Variants in DLG5 observed in about 807,000 individuals in gnomAD.
DLG5 encodes the protein disks large homolog 5.
Under a neutral mutation model 189.8 loss-of-function variants are expected in DLG5, and 48 were observed. That is an observed-to-expected ratio of 0.25 (90% CI 0.20 to 0.32). The LOEUF (loss-of-function observed/expected upper bound fraction) is 0.32. Ranked by LOEUF, DLG5 falls within the 10% of genes least tolerant of loss-of-function variation. The pLI is 1.00. For missense variants in DLG5, 2,160 were observed against 2,544.7 expected, an observed-to-expected ratio of 0.85 and a Z score of 3.25; for synonymous variants, 1,016 against 1,054.1, an observed-to-expected ratio of 0.96 and a Z score of 0.70.
In DLG5 at chr10:77,897,044, G is replaced by GA. The variant is rs954330595; in HGVS notation, c.305-27848dup. ...ATAAAATATTTGTTGCTTACTGCAG[G>GA]AAAAAAAAATAGGCATCAAAAAATT... On this transcript the variant is annotated intron_variant, in intron 1 of 31. Transcript: ENST00000372391. Among the ~76,000 whole-genome samples the GA allele has an allele frequency of 1.5e-3, 227 of 150,048 alleles. 2 individuals carry two copies. The highest frequency in any genetic ancestry group is 5.0e-3 in the African/African-American group (206 of 40,848).
chr10:77,795,994 G>T, intron 29 of DLG5, 67 bp downstream of exon 29: 2 of 1,605,114 alleles, frequency 1.2e-6, no homozygotes, highest in Non-Finnish European at 1.7e-6. Flanking sequence ...CACGGACCAG[G>T]GGCCTAGACC....
rs1840955052 is a variant in DLG5, at chr10:77,796,933, T to C, written c.5165-339A>G. Among the ~76,000 whole-genome samples the C allele has an allele frequency of 6.6e-6, 1 of 152,158 alleles. No homozygotes were observed. The highest frequency in any genetic ancestry group is 6.5e-5 in the Admixed American group (1 of 15,282). On this transcript the variant is annotated intron_variant, in intron 27 of 31. Coordinates refer to ENST00000372391, the MANE Select transcript of DLG5 (RefSeq NM_004747.4). This position sits in a 1 kb window ranked among gnomAD's most constrained non-coding sequence, Gnocchi z 5.2. ...TCTCTGGCAAGGCAGCCTCTGGGGT[T>C]TGGCAGGTAAAGCTCCCACTCCCCA...
chr10:77,845,641 G>C (rs1363383559), intron 5 of DLG5, among the ~76,000 whole-genome samples: 1 of 151,386 alleles, frequency 6.6e-6, no homozygotes, highest in African/African-American at 2.4e-5. Context: ...AGGAGAAAGA[G>C]AAAGAGAGAG....
chr10:77,927,924 T>G (rs1846745404), upstream of DLG5: 1 of 152,240 alleles, frequency 6.6e-6, no homozygotes, highest in African/African-American at 2.4e-5. Flanking sequence ...ATATCTACGT[T>G]GGAATGAGTG....
At chr10:77,877,277 G>A (rs1010450734) in intron 1 of DLG5, among the ~76,000 whole-genome samples, 3 of 150,390 alleles carry the variant, frequency 2.0e-5, no homozygotes, top group Non-Finnish European at 4.4e-5. Context: ...GCTAACTACA[G>A]GACTGGTTTT....
intron 27 of DLG5, among the ~76,000 whole-genome samples, chr10:77,798,734 C>T (rs956050982): frequency 6.6e-6 from 1 of 152,186 alleles, no homozygotes; most frequent in Non-Finnish European, 1.5e-5. Flanking sequence ...GACTTATCCA[C>T]TTCCCTGCTG....
At chr10:77,924,951 C>T (rs1213216971) in intron 1 of DLG5, among the ~76,000 whole-genome samples, 1 of 152,172 alleles carries the variant, frequency 6.6e-6, no homozygotes, top group Non-Finnish European at 1.5e-5. Flanking sequence ...GGGCTTTTAA[C>T]AGCCAAATAA....
At chr10:77,802,085 G>A (rs752155990) in intron 27 of DLG5, among the ~76,000 whole-genome samples, 192 of 152,308 alleles carry the variant, frequency 1.3e-3, no homozygotes, top group Non-Finnish European at 2.5e-3. Flanking sequence ...GCTGGGAGGG[G>A]CAAGGAACAG....
intron 13 of DLG5, chr10:77,824,717 G>A (rs893580036): frequency 4.3e-6 from 2 of 469,184 alleles, no homozygotes; most frequent in African/African-American, 4.0e-5. Flanking sequence ...TGTCCTTCTG[G>A]GATCAGAACA....
chr10:77,794,916 G>A lies in DLG5; in HGVS notation c.5479C>T (p.Arg1827Trp), dbSNP rs763823222. The A allele has an allele frequency of 1.5e-5, 24 of 1,614,002 alleles. No individual in the cohort carries two copies. Among genetic ancestry groups the A allele is most frequent in the Non-Finnish European group, 1.9e-5 (23 of 1,180,008 alleles). ...LLDIAPHAIE[R>W]LHHMHIYPIV... is the part of the protein sequence containing the mutation. ...GGGTAGATGTGCATGTGGTGGAGCCGCTCAATAGCGTGCGGAGCAATGTCC... is the reference window on the plus strand; with the variant it reads ...GGGTAGATGTGCATGTGGTGGAGCCACTCAATAGCGTGCGGAGCAATGTCC... The change falls in exon 30 of 32, where the codon CGG becomes TGG. Residue 1827 changes from arginine (R) to tryptophan (W), a missense_variant. Arg to Trp is a moderately radical substitution (Grantham distance 101, BLOSUM62 -3). Transcript: ENST00000372391.
intron 5 of DLG5, among the ~76,000 whole-genome samples, chr10:77,851,521 G>A (rs140729455): frequency 3.9e-5 from 6 of 152,256 alleles, no homozygotes; most frequent in Non-Finnish European, 7.4e-5. Flanking sequence ...TCCTGCTGCC[G>A]GCTTTCCATT....
At position 77,926,497 on chromosome 10, in the gene DLG5, C is replaced by A; in HGVS notation, c.24G>T (p.Leu8=). MEPQRRE[L]LAQCQQSLAQ... ...CCAGGCTCTGCTGACACTGGGCGAGCAGCTCCCGGCGCTGGGGCTCCATGG... is the reference window on the plus strand; with the variant it reads ...CCAGGCTCTGCTGACACTGGGCGAGAAGCTCCCGGCGCTGGGGCTCCATGG... The change falls in exon 1 of 32, where the codon CTG becomes CTT. Residue 8 remains leucine (L), a synonymous_variant. Transcript: ENST00000372391. This position sits in a 1 kb window ranked among gnomAD's most constrained non-coding sequence, Gnocchi z 5.2. The A allele has an allele frequency of 7.2e-7, 1 of 1,383,904 alleles. No homozygotes were observed. Among genetic ancestry groups the A allele is most frequent in the Non-Finnish European group, 9.4e-7 (1 of 1,063,262 alleles). 85.7% of individuals were successfully genotyped at this position (1,383,904 alleles called of 1,614,324 possible).
Position 77,821,883 on chromosome 10 carries a change from A to G in DLG5, c.2601T>C (p.Phe867=). ...GTCCCCCAGGGAATGGCTTATGCAG[A>G]AAGGAGCTGCTGCCTCCTGGGGGGC... is the stretch of plus-strand genomic sequence containing the variant. ...EPGPPGGSSS[F]LHKPFPGGPL... Residue 867 remains phenylalanine, a synonymous_variant, in exon 15 of 32, where the codon TTT becomes TTC. Coordinates refer to ENST00000372391, the MANE Select transcript of DLG5 (RefSeq NM_004747.4). 1.2e-6 allele frequency: 2 copies of G among 1,614,200 alleles called. No individual in the cohort carries two copies. The highest frequency in any genetic ancestry group is 1.7e-6 in the Non-Finnish European group (2 of 1,180,026).
rs1010256286 is a variant in DLG5, at chr10:77,856,666, C to A, written c.536+64G>T. The A allele has an allele frequency of 5.1e-6, 8 of 1,574,426 alleles. No individual in the cohort carries two copies. The African/African-American group carries it at 5.4e-5, about 11-fold the overall frequency. Reference sequence around the variant, plus strand: ...AGCCAGGGGTGTTTGGGGGTGACAGCACCAGCATCGGGGTAGTAATCCCAA... The same window carrying A: ...AGCCAGGGGTGTTTGGGGGTGACAGAACCAGCATCGGGGTAGTAATCCCAA... On this transcript the variant is annotated intron_variant, in intron 3 of 31. Coordinates refer to ENST00000372391, the MANE Select transcript of DLG5 (RefSeq NM_004747.4).
the DLG5 span, among the ~76,000 whole-genome samples, chr10:77,932,921 T>C: frequency 1.3e-5 from 2 of 152,136 alleles, no homozygotes; most frequent in Non-Finnish European, 2.9e-5. Context: ...GGTAACATAG[T>C]GAGACTCTGC....
At chr10:77,853,561 G>C in intron 4 of DLG5, 24 bp from the exon 5 acceptor site, 1 of 1,539,522 alleles carries the variant, frequency 6.5e-7, no homozygotes, top group South Asian at 1.2e-5. Flanking sequence ...TACATGCTCA[G>C]TGAGCCCCAG....
intron 27 of DLG5, among the ~76,000 whole-genome samples, chr10:77,803,885 CAT>C (rs1491150050): frequency 9.2e-6 from 1 of 109,278 alleles, no homozygotes; most frequent in African/African-American, 4.2e-5. Context: ...AACAGGTTGG[CAT>C]TTTTTTTTTT....
Position 77,796,522 on chromosome 10 carries a change from C to A in DLG5, c.5237G>T (p.Gly1746Val). 1 of 1,614,188 alleles carries A rather than the reference C, an allele frequency of 6.2e-7. No homozygotes were observed. The highest frequency in any genetic ancestry group is 8.5e-7 in the Non-Finnish European group (1 of 1,180,032). Residue 1746 changes from glycine (G) to valine (V), a missense_variant, in exon 28 of 32, where the codon GGG (glycine) becomes GTG (valine). Coordinates refer to ENST00000372391, the MANE Select transcript of DLG5 (RefSeq NM_004747.4). This position sits in a 1 kb window ranked among gnomAD's most constrained non-coding sequence, Gnocchi z 5.2. ...CTCCTTCACCACGTCCAGCAAAGGC[C>A]CCAGAATCAGGACAGGCCTCAGAGC... ...CTALRPVLIL[G>V]PLLDVVKEML... is the part of the protein sequence containing the mutation.
intron 1 of DLG5, 109 bp from the exon 2 acceptor site, chr10:77,869,306 G>T: frequency 9.6e-7 from 1 of 1,037,156 alleles, no homozygotes; most frequent in Non-Finnish European, 1.5e-6. Flanking sequence ...CATGCACCAG[G>T]CACTAGAAAT....
Sources: allele counts gnomAD v4.1 joint callset (sites outside exome capture counted in the v4.1 genomes callset), GRCh38; gene constraint gnomAD v4.1.1; non-coding constraint Gnocchi (gnomAD v3.1); transcripts MANE v1.5; gene names NCBI Gene and HGNC (gene_info 2026-07-23, HGNC 2026-07-21).